KMT2A: variants seen among roughly 807,000 people sequenced by gnomAD.
KMT2A encodes the protein histone-lysine N-methyltransferase 2A.
KMT2A carries 16 observed loss-of-function variants against 345.3 expected under a neutral mutation model. The observed-to-expected ratio is 0.05, with a 90% CI of 0.03 to 0.07. The LOEUF (loss-of-function observed/expected upper bound fraction) is 0.07, where lower values mean the gene tolerates loss of function less well. Ranked by LOEUF, KMT2A falls within the 10% of genes least tolerant of loss-of-function variation. The pLI, the probability that KMT2A is intolerant of heterozygous loss-of-function variation, is 1.00. For synonymous variants in KMT2A, 1,599 were observed against 1,778.6 expected, an observed-to-expected ratio of 0.90 and a Z score of 2.54; for missense variants, 3,272 against 4,841.6, an observed-to-expected ratio of 0.68 and a Z score of 9.62.
intron 5 of KMT2A, among the ~76,000 whole-genome samples, chr11:118,478,819 G>A (rs1950082407): frequency 1.3e-5 from 2 of 152,178 alleles, no homozygotes; most frequent in African/African-American, 4.8e-5. Context: ...GCAGTGACAT[G>A]ATCATAGCTC....
rs1417167448 is a variant in KMT2A, at chr11:118,505,298, A to G, written c.9406A>G (p.Thr3136Ala). 2 of 1,614,096 alleles carry G rather than the reference A, an allele frequency of 1.2e-6. No individual in the cohort carries two copies. The highest frequency in any genetic ancestry group is 1.3e-5 in the African/African-American group (1 of 74,942). Residue 3136 changes from threonine (T) to alanine (A), a missense_variant, in exon 27 of 36, where the codon ACA (threonine) becomes GCA (alanine). By Grantham distance (58) the Thr-to-Ala change is moderately conservative. This residue lies in a region of KMT2A where 748 missense variants were observed against 922.2 expected (regional missense o/e 0.81). Coordinates refer to ENST00000534358, the MANE Select transcript of KMT2A (RefSeq NM_001197104.2). This position sits in a 1 kb window ranked among gnomAD's most constrained non-coding sequence, Gnocchi z 4.6. ...CATGGGAGGTGGTCTCACCCTTACC[A>G]CAGGACTAAATCCAAGCTTGCCAAC... is the stretch of plus-strand genomic sequence containing the variant. ...GPMGGGLTLT[T>A]GLNPSLPTSQ...
At position 118,490,342 on chromosome 11, in the gene KMT2A, C is replaced by T. The variant is rs1425039397; in HGVS notation, c.4696+93C>T. ...TCTAGTGAAATGAAATAAAAAGTCT[C>T]ACACATTATGTCAAGGATACCATTT... is the stretch of plus-strand genomic sequence containing the variant. On this transcript the variant is annotated intron_variant, in intron 13 of 35. Coordinates refer to ENST00000534358, the MANE Select transcript of KMT2A (RefSeq NM_001197104.2). The surrounding 1 kb of genome is among the most constrained non-coding windows in gnomAD (Gnocchi z 4.2). 22 of 1,309,478 alleles carry T rather than the reference C, an allele frequency of 1.7e-5. No homozygotes were observed. Among genetic ancestry groups the T allele is most frequent in the Non-Finnish European group, 2.1e-5 (21 of 980,862 alleles). The allele number at this position is 1,309,478 out of a possible 1,614,324, so 81.1% of individuals were successfully genotyped here. A position where few individuals can be genotyped will look rare whatever the true frequency, so the allele number is the denominator to read the frequency against.
chr11:118,507,560 A>C lies in KMT2A; in HGVS notation c.10786A>C (p.Thr3596Pro). The change falls in exon 28 of 36, where the codon ACA (threonine) becomes CCA (proline). Residue 3596 changes from threonine to proline, a missense_variant. Around this residue, in one of 27 missense-constraint regions of KMT2A, gnomAD observed 748 missense variants for 922.2 expected, o/e 0.81. Transcript: ENST00000534358. ...TPGAEAEQQD[T>P]ASVEQSSQKE... ...AGGAGCAGAGGCTGAGCAGCAGGAT[A>C]CAGCTAGCGTGGAGCAGTCCTCCCA... 6.2e-7 allele frequency: 1 copy of C among 1,614,214 alleles called. No individual in the cohort carries two copies. The highest frequency in any genetic ancestry group is 8.5e-7 in the Non-Finnish European group (1 of 1,180,006).
chr11:118,443,770 T>C (rs1949361104), intron 1 of KMT2A, among the ~76,000 whole-genome samples: 1 of 152,212 alleles, frequency 6.6e-6, no homozygotes, highest in Non-Finnish European at 1.5e-5. Flanking sequence ...TATCTTACCT[T>C]CAATTATTGC....
At position 118,497,914 on chromosome 11, in the gene KMT2A, A is replaced by G. The variant is rs1555044465; in HGVS notation, c.5665-22A>G. ...TTTGGCATTATATTCTTTAGGAAAA[A>G]AGAAATCTCTTTATTTTATAGGATG... On this transcript the variant is annotated intron_variant, in intron 20 of 35. Transcript: ENST00000534358. The surrounding 1 kb of genome is among the most constrained non-coding windows in gnomAD (Gnocchi z 4.8). The G allele has an allele frequency of 6.3e-7, 1 of 1,597,036 alleles. No individual in the cohort carries two copies. The highest frequency in any genetic ancestry group is 8.6e-7 in the Non-Finnish European group (1 of 1,166,008).
At chr11:118,517,985 A>G (rs1381861288) in intron 31 of KMT2A, among the ~76,000 whole-genome samples, 1 of 152,190 alleles carries the variant, frequency 6.6e-6, no homozygotes, top group Non-Finnish European at 1.5e-5. Context: ...CCTCTGCACC[A>G]GGACATTACA....
chr11:118,526,312 T>G lies in KMT2A; in HGVS notation c.*4140T>G. The G allele has an allele frequency of 9.0e-6, 2 of 223,124 alleles. No homozygotes were observed. Among genetic ancestry groups the G allele is most frequent in the Admixed American group, 5.7e-5 (1 of 17,422 alleles). The allele number at this position is 223,124 out of a possible 1,614,324, so 13.8% of individuals were successfully genotyped here. Reference sequence around the variant, plus strand: ...ATGAATGTTGGGGTTACCACCTGCATTTAGGGGAAAATTGTGTTCTGTGCT... The same window carrying G: ...ATGAATGTTGGGGTTACCACCTGCAGTTAGGGGAAAATTGTGTTCTGTGCT... On this transcript the variant is annotated 3_prime_UTR_variant, in exon 36 of 36. Transcript: ENST00000534358.
At position 118,523,370 on chromosome 11, in the gene KMT2A, ACT is replaced by A. The variant is rs1364131361; in HGVS notation, c.*1201_*1202del. 2 of 229,102 alleles carry A rather than the reference ACT, an allele frequency of 8.7e-6. No homozygotes were observed. The highest frequency in any genetic ancestry group is 6.3e-5 in the East Asian group (1 of 15,972). The allele number at this position is 229,102 out of a possible 1,614,324, so 14.2% of individuals were successfully genotyped here. ...GACTAGACCACCTTATGTTGAGGGA[ACT>A]CTGCCACCTGCGTGCAACCCACAGC... On this transcript the variant is annotated 3_prime_UTR_variant, in exon 36 of 36. Transcript: ENST00000534358.
rs9332838 is a variant in KMT2A, at chr11:118,502,962, C to T, written c.7070C>T (p.Pro2357Leu). ...AGTAAAATCGGCTCCTTTGCTGAACCCTCTTCAGTGTCGTTTTCTTCTAAA... is the reference window on the plus strand; with the variant it reads ...AGTAAAATCGGCTCCTTTGCTGAACTCTCTTCAGTGTCGTTTTCTTCTAAA... ...NVSKIGSFAEPSSVSFSSKEA... is the reference protein window; with the variant it reads ...NVSKIGSFAELSSVSFSSKEA... Residue 2357 changes from proline to leucine, a missense_variant, in exon 27 of 36, where the codon CCC (proline) becomes CTC (leucine). Pro to Leu is a moderately conservative substitution (Grantham distance 98). Transcript: ENST00000534358. The surrounding 1 kb of genome is among the most constrained non-coding windows in gnomAD (Gnocchi z 4.9). 6 of 1,613,996 alleles carry T rather than the reference C, an allele frequency of 3.7e-6. No homozygotes were observed. The highest frequency in any genetic ancestry group is 1.3e-5 in the African/African-American group (1 of 74,902).
Position 118,494,590 on chromosome 11 carries a change from C to A in KMT2A, c.5290-104C>A. ...AGTGGATGGATCTTTCTCTTGGTGG[C>A]CTGAAATTATCCTCGTATTAACAGA... On this transcript the variant is annotated intron_variant, in intron 17 of 35. Coordinates refer to ENST00000534358, the MANE Select transcript of KMT2A (RefSeq NM_001197104.2). The surrounding 1 kb of genome is among the most constrained non-coding windows in gnomAD (Gnocchi z 5.8). The A allele has an allele frequency of 3.8e-6, 4 of 1,047,480 alleles. No homozygotes were observed. The highest frequency in any genetic ancestry group is 2.6e-5 in the East Asian group (1 of 38,980). The allele number at this position is 1,047,480 out of a possible 1,614,324, so 64.9% of individuals were successfully genotyped here. A position where few individuals can be genotyped will look rare whatever the true frequency, so the allele number is the denominator to read the frequency against.
At chr11:118,445,979 G>A (rs1949411919) in intron 1 of KMT2A, among the ~76,000 whole-genome samples, 1 of 152,052 alleles carries the variant, frequency 6.6e-6, no homozygotes, top group African/African-American at 2.4e-5. Flanking sequence ...ACTCCAGCCT[G>A]GGCGAAAGAG....
Position 118,472,435 on chromosome 11 carries a change from C to G in KMT2A, c.1276C>G (p.Arg426Gly). 1 of 1,613,998 alleles carries G rather than the reference C, an allele frequency of 6.2e-7. No individual in the cohort carries two copies. The highest frequency in any genetic ancestry group is 8.5e-7 in the Non-Finnish European group (1 of 1,179,994). The change falls in exon 3 of 36, where the codon CGG becomes GGG. Residue 426 changes from arginine to glycine, a missense_variant. Transcript: ENST00000534358. ...CTCCTCGCGGATCATTAAGACCCCT[C>G]GGCGGTTTATAGAGGATGAGGATTA... Reference protein sequence around the residue: ...AISSRIIKTPRRFIEDEDYDP... With the variant: ...AISSRIIKTPGRFIEDEDYDP...
intron 1 of KMT2A, among the ~76,000 whole-genome samples, chr11:118,451,589 A>G (rs1222062583): frequency 3.3e-5 from 5 of 151,304 alleles, no homozygotes; most frequent in African/African-American, 7.3e-5. Flanking sequence ...GGGTTTCACC[A>G]TGTTAGCCAG....
rs1555040427 is a variant in KMT2A, at chr11:118,484,836, C to T, written c.4219-26C>T. ...CAAAGTTGTGTAATTGTAAAACTTT[C>T]CTAAGTGACCTTTCTCTCTCCACAG... On this transcript the variant is annotated intron_variant, in intron 9 of 35. Coordinates refer to ENST00000534358, the MANE Select transcript of KMT2A (RefSeq NM_001197104.2). This position sits in a 1 kb window ranked among gnomAD's most constrained non-coding sequence, Gnocchi z 4.1. 2.7e-6 allele frequency: 4 copies of T among 1,508,640 alleles called. No individual in the cohort carries two copies. In the Admixed American group the frequency reaches 5.0e-5, roughly 19 times the overall value. 93.5% of individuals were successfully genotyped at this position (1,508,640 alleles called of 1,614,324 possible). A position where few individuals can be genotyped will look rare whatever the true frequency, so the allele number is the denominator to read the frequency against.
chr11:118,498,116 A>G lies in KMT2A; in HGVS notation c.5802+43A>G. On this transcript the variant is annotated intron_variant, in intron 21 of 35. Transcript: ENST00000534358. This position sits in a 1 kb window ranked among gnomAD's most constrained non-coding sequence, Gnocchi z 4.4. ...AATTTTATGAAAGAGATTCCCTCTC[A>G]GTTTCCAGATATTCTTCCTGTGGGT... 1 of 1,602,734 alleles carries G rather than the reference A, an allele frequency of 6.2e-7. No homozygotes were observed.
In KMT2A at chr11:118,471,677, G is replaced by A. The variant is rs1949944579; in HGVS notation, c.518G>A (p.Arg173Gln). The A allele has an allele frequency of 1.3e-6, 2 of 1,584,278 alleles. No homozygotes were observed. Among genetic ancestry groups the A allele is most frequent in the Non-Finnish European group, 1.7e-6 (2 of 1,171,488 alleles). ...TRSPSVKTSP[R>Q]KPRGRPRSGS... ...CTATACACAGTTAAAACTAGTCCTC[G>A]AAAACCTCGTGGGAGACCTAGAAGT... is the stretch of plus-strand genomic sequence containing the variant. The change falls in exon 3 of 36, where the codon CGA (arginine) becomes CAA (glutamine). Residue 173 changes from arginine (R) to glutamine (Q), a missense_variant. Coordinates refer to ENST00000534358, the MANE Select transcript of KMT2A (RefSeq NM_001197104.2).
At position 118,473,871 on chromosome 11, in the gene KMT2A, T is replaced by C; in HGVS notation, c.2712T>C (p.Ala904=). Reference sequence around the variant, plus strand: ...GATCAGAAATTCAGAGTAGTTCTGCTTTGTATCCTGTGGGTAGGGTTTCCA... The same window carrying C: ...GATCAGAAATTCAGAGTAGTTCTGCCTTGTATCCTGTGGGTAGGGTTTCCA... The part of the protein sequence containing the change: ...KKGSEIQSSS[A]LYPVGRVSKE... The change falls in exon 3 of 36, where the codon GCT becomes GCC. Residue 904 remains alanine, a synonymous_variant. Coordinates refer to ENST00000534358, the MANE Select transcript of KMT2A (RefSeq NM_001197104.2). This position sits in a 1 kb window ranked among gnomAD's most constrained non-coding sequence, Gnocchi z 5.2. 6 of 1,614,220 alleles carry C rather than the reference T, an allele frequency of 3.7e-6. No homozygotes were observed. Among genetic ancestry groups the C allele is most frequent in the Non-Finnish European group, 5.1e-6 (6 of 1,180,042 alleles).
chr11:118,458,226 G>C (rs1949683865), intron 1 of KMT2A: 1 of 327,122 alleles, frequency 3.1e-6, no homozygotes, highest in Non-Finnish European at 6.0e-6. Flanking sequence ...TGGGACTACA[G>C]GCACCCACCA....
At position 118,436,983 on chromosome 11, in the gene KMT2A, C is replaced by T; in HGVS notation, c.432+39C>T. ...GAACCCCCAGGTCCGGGGTCTCGAC[C>T]CTCTGCGGAGCCCCCTCCCCTCCCC... On this transcript the variant is annotated intron_variant, in intron 1 of 35. Transcript: ENST00000534358. This position sits in a 1 kb window ranked among gnomAD's most constrained non-coding sequence, Gnocchi z 6.9. The T allele has an allele frequency of 7.2e-7, 1 of 1,389,794 alleles. No individual in the cohort carries two copies. The highest frequency in any genetic ancestry group is 2.9e-5 in the East Asian group (1 of 34,256). The allele number at this position is 1,389,794 out of a possible 1,614,324, so 86.1% of individuals were successfully genotyped here.
Sources: gnomAD v4.1 joint callset for allele counts (sites outside exome capture counted in the v4.1 genomes callset) on GRCh38, gnomAD v4.1.1 for gene constraint, gnomAD v4.1.1 regional missense constraint, Gnocchi (gnomAD v3.1) non-coding constraint, MANE v1.5 for transcripts, NCBI Gene and HGNC (gene_info 2026-07-23, HGNC 2026-07-21) for gene names.